The following MPDZ variants were observed in gnomAD, a reference collection of about 807,000 sequenced individuals.
MPDZ encodes multiple PDZ domain protein.
In MPDZ, 234 loss-of-function variants were observed where a neutral mutation model predicts 239.1. The ratio of observed to expected loss-of-function variants is 0.98; its 90% CI spans 0.88 to 1.09. The LOEUF is 1.09. Ranked by LOEUF, MPDZ falls within the 50% of genes least tolerant of loss-of-function variation. The pLI, the probability that MPDZ is intolerant of heterozygous loss-of-function variation, is 0.00. For synonymous variants in MPDZ, 1,048 were observed against 881.3 expected (o/e 1.19, Z -3.35); for missense variants, 3,175 against 2,510.0 (o/e 1.26, Z -5.66).
chr9:13,166,029 A>T (rs1178171408), intron 22 of MPDZ, among the ~76,000 whole-genome samples: 1 of 152,132 alleles, frequency 6.6e-6, no homozygotes, highest in East Asian at 1.9e-4. Context: ...CCCTAAAACC[A>T]ATCAGTTATG....
intron 1 of MPDZ, among the ~76,000 whole-genome samples, chr9:13,269,126 T>C (rs776786965): frequency 2.6e-5 from 4 of 152,034 alleles, no homozygotes; most frequent in Admixed American, 6.5e-5. Context: ...CAGTGACCAG[T>C]TGGTAACTGT....
intron 3 of MPDZ, among the ~76,000 whole-genome samples, chr9:13,225,451 T>A (rs1033231327): frequency 5.9e-5 from 9 of 151,988 alleles, no homozygotes; most frequent in Non-Finnish European, 1.0e-4. Context: ...TATCTAGTAG[T>A]GTACAGTAAT....
At chr9:13,184,693 A>G (rs1443086538) in intron 18 of MPDZ, among the ~76,000 whole-genome samples, 1 of 152,044 alleles carries the variant, frequency 6.6e-6, no homozygotes. Context: ...GTCATAGATT[A>G]CAATACATAT....
At chr9:13,109,174 AAGG>A in intron 45 of MPDZ, 115 bp from the exon 46 acceptor site, 6 of 883,930 alleles carry the variant, frequency 6.8e-6, no homozygotes, top group Non-Finnish European at 9.0e-6. Context: ...TGTTACTGAC[AAGG>A]AGTATATTAC....
At chr9:13,258,808 CAATGAA>C (rs1267003704) in intron 1 of MPDZ, among the ~76,000 whole-genome samples, 15 of 152,122 alleles carry the variant, frequency 9.9e-5, no homozygotes, top group Non-Finnish European at 1.5e-5. Context: ...TAAATTTATT[CAATGAA>C]AATAAGATTA....
At chr9:13,226,302 C>G (rs1374235789) in intron 3 of MPDZ, among the ~76,000 whole-genome samples, 4 of 152,104 alleles carry the variant, frequency 2.6e-5, no homozygotes, top group Admixed American at 2.0e-4. Flanking sequence ...GAAGTTAAAT[C>G]TAAATAATAA....
chr9:13,268,087 G>GT (rs762052498), intron 1 of MPDZ, among the ~76,000 whole-genome samples: 5 of 151,832 alleles, frequency 3.3e-5, no homozygotes, highest in Non-Finnish European at 7.4e-5. Context: ...ATTAGCAACA[G>GT]TATTAGCATC....
At chr9:13,226,758 C>G (rs942237054) in intron 3 of MPDZ, among the ~76,000 whole-genome samples, 1 of 152,216 alleles carries the variant, frequency 6.6e-6, no homozygotes, top group Admixed American at 6.5e-5. Context: ...CAAAAACTCT[C>G]CAGTGGAAAT....
At chr9:13,135,100 C>G (rs1385090506) in intron 31 of MPDZ, 1 of 152,202 alleles carries the variant, frequency 6.6e-6, no homozygotes, top group African/African-American at 2.4e-5. Context: ...ACCAGGCTAT[C>G]CAACAGGCAC....
chr9:13,271,724 C>T (rs1334292424), intron 1 of MPDZ, among the ~76,000 whole-genome samples: 1 of 152,138 alleles, frequency 6.6e-6, no homozygotes, highest in Non-Finnish European at 1.5e-5. Flanking sequence ...AATGAATACG[C>T]ACCATAAGAC....
At chr9:13,220,545 T>C (rs1958980199) in intron 7 of MPDZ, among the ~76,000 whole-genome samples, 1 of 151,976 alleles carries the variant, frequency 6.6e-6, no homozygotes, top group African/African-American at 2.4e-5. Flanking sequence ...CACATGCTAG[T>C]CAACGAGAGA....
chr9:13,122,523 C>CTTTTTTT (rs1193402258), intron 36 of MPDZ, among the ~76,000 whole-genome samples: 1 of 141,148 alleles, frequency 7.1e-6, no homozygotes, highest in African/African-American at 2.6e-5. Context: ...TTTTCAAACT[C>CTTTTTTT]TTTTTTTTTT....
intron 18 of MPDZ, among the ~76,000 whole-genome samples, chr9:13,185,578 G>C (rs983136527): frequency 6.6e-6 from 1 of 152,068 alleles, no homozygotes; most frequent in African/African-American, 2.4e-5. Context: ...TTGTATTTAT[G>C]TTGAGTAAAT....
chr9:13,208,538 T>C (rs1004339024), intron 10 of MPDZ, among the ~76,000 whole-genome samples: 7 of 151,558 alleles, frequency 4.6e-5, no homozygotes, highest in African/African-American at 1.7e-4. Context: ...AAGAATATAA[T>C]AAAACCTCTA....
chr9:13,197,759 T>A (rs891849284), intron 12 of MPDZ, among the ~76,000 whole-genome samples: 2 of 151,752 alleles, frequency 1.3e-5, no homozygotes, highest in African/African-American at 4.8e-5. Flanking sequence ...CCACCCCTCC[T>A]CAAACTCTTC....
intron 7 of MPDZ, 129 bp from the exon 8 acceptor site, chr9:13,219,897 C>T: frequency 1.2e-6 from 1 of 812,766 alleles, no homozygotes; most frequent in Non-Finnish European, 2.0e-6. Context: ...AAATAAAACA[C>T]ATGGGTATAA....
chr9:13,160,711 T>G (rs1950354962), intron 23 of MPDZ, among the ~76,000 whole-genome samples: 1 of 150,864 alleles, frequency 6.6e-6, no homozygotes, highest in South Asian at 2.1e-4. Context: ...ATCCCTCGTA[T>G]CCTTGGGTCC....
At chr9:13,173,906 CA>C (rs1189220368) in intron 21 of MPDZ, among the ~76,000 whole-genome samples, 1 of 152,126 alleles carries the variant, frequency 6.6e-6, no homozygotes, top group East Asian at 1.9e-4. Context: ...TAGATGGCTG[CA>C]GCAGAAGTTC....
In MPDZ at chr9:13,247,673, G is replaced by A. The variant is rs144481155; in HGVS notation, c.145C>T (p.Leu49=). 1,759 of 1,613,534 alleles carry A rather than the reference G, an allele frequency of 1.1e-3. 24 individuals carry two copies. The East Asian group carries it at 0.033, about 30-fold the overall frequency. The change falls in exon 3 of 47, where the codon CTG becomes TTG. Residue 49 remains leucine (L), a synonymous_variant. Coordinates refer to ENST00000319217, the MANE Select transcript of MPDZ (RefSeq NM_001378778.1). ...TGCTGTACAGAAGTCTGAAGGCTCAGAATCTGACTGAAGAGAGGGCTCTGC... is the reference window on the plus strand; with the variant it reads ...TGCTGTACAGAAGTCTGAAGGCTCAAAATCTGACTGAAGAGAGGGCTCTGC... The part of the protein sequence containing the change: ...VLQSPLFSQI[L]SLQTSVQQLK...
Sources: gnomAD v4.1 joint callset for allele counts (sites outside exome capture counted in the v4.1 genomes callset) on GRCh38, gnomAD v4.1.1 for gene constraint, MANE v1.5 for transcripts, NCBI Gene and HGNC (gene_info 2026-07-23, HGNC 2026-07-21) for gene names.